The following GALNTL6 variants were observed in gnomAD, a reference collection of about 807,000 sequenced individuals.
GALNTL6 encodes polypeptide N-acetylgalactosaminyltransferase-like 6.
In GALNTL6, 46 loss-of-function variants were observed where a neutral mutation model predicts 73.7. The observed-to-expected ratio is 0.62, with a 90% CI of 0.49 to 0.80. The LOEUF is 0.80. Among genes scored for constraint, GALNTL6 ranks in the 30% least tolerant of loss-of-function variants. The probability of loss-of-function intolerance (pLI) is 0.00; values close to 1 mark genes in which losing one functional copy is unlikely to be tolerated. For missense variants in GALNTL6, 604 were observed against 755.0 expected, an observed-to-expected ratio of 0.80 and a Z score of 2.34; for synonymous variants, 259 against 263.7, an observed-to-expected ratio of 0.98 and a Z score of 0.17.
intron 2 of GALNTL6, among the ~76,000 whole-genome samples, chr4:172,183,499 A>G (rs1313753470): frequency 6.6e-6 from 1 of 152,238 alleles, no homozygotes; most frequent in African/African-American, 2.4e-5. Context: ...GGTGGGCTTC[A>G]GTGTTGGTAG....
chr4:171,975,322 T>C (rs230), intron 2 of GALNTL6, among the ~76,000 whole-genome samples: 71,353 of 151,980 alleles, frequency 0.47, 18,746 homozygotes, highest in Non-Finnish European at 0.59. Flanking sequence ...CTACCCTACT[T>C]ATCATAATGG....
At chr4:172,767,128 C>T (rs549103438) in intron 5 of GALNTL6, among the ~76,000 whole-genome samples, 2 of 152,266 alleles carry the variant, frequency 1.3e-5, no homozygotes, top group South Asian at 4.1e-4. Flanking sequence ...GCCAGTGAAA[C>T]CTGTCCACAA....
chr4:172,700,872 A>G (rs1351186396), intron 5 of GALNTL6, among the ~76,000 whole-genome samples: 5 of 152,142 alleles, frequency 3.3e-5, no homozygotes, highest in African/African-American at 4.8e-5. Context: ...CAGTGTATCT[A>G]TGGAAAGAGG....
chr4:172,357,444 C>T (rs1742198499), intron 5 of GALNTL6, among the ~76,000 whole-genome samples: 1 of 151,986 alleles, frequency 6.6e-6, no homozygotes, highest in South Asian at 2.1e-4. Flanking sequence ...AGATAAGGGT[C>T]ATTCTAGAAG....
intron 5 of GALNTL6, among the ~76,000 whole-genome samples, chr4:172,647,522 A>G (rs930255044): frequency 6.6e-6 from 1 of 151,966 alleles, no homozygotes; most frequent in Non-Finnish European, 1.5e-5. Context: ...TCCAGGGCCC[A>G]GGCTGAGGCA....
At chr4:172,009,441 G>T (rs1005796931) in intron 2 of GALNTL6, among the ~76,000 whole-genome samples, 1 of 152,010 alleles carries the variant, frequency 6.6e-6, no homozygotes, top group Non-Finnish European at 1.5e-5. Context: ...GCCTGTCCCT[G>T]GCATTTAACA....
intron 2 of GALNTL6, among the ~76,000 whole-genome samples, chr4:172,067,573 C>T (rs571886166): frequency 2.1e-5 from 1 of 46,914 alleles, no homozygotes; most frequent in East Asian, 3.0e-4. Flanking sequence ...CCACCCCATC[C>T]CTCTCTTATC....
At chr4:172,716,006 G>C (rs541690258) in intron 5 of GALNTL6, among the ~76,000 whole-genome samples, 1 of 152,310 alleles carries the variant, frequency 6.6e-6, no homozygotes, top group South Asian at 2.1e-4. Context: ...GGTAATGAGA[G>C]AGATCACATG....
chr4:172,760,490 C>T (rs1029421286), intron 5 of GALNTL6, among the ~76,000 whole-genome samples: 12 of 152,190 alleles, frequency 7.9e-5, no homozygotes, highest in African/African-American at 2.4e-4. Context: ...CTCTCACCTT[C>T]CCACCTTACC....
At chr4:172,183,394 G>A (rs1735316162) in intron 2 of GALNTL6, among the ~76,000 whole-genome samples, 1 of 152,156 alleles carries the variant, frequency 6.6e-6, no homozygotes, top group African/African-American at 2.4e-5. Flanking sequence ...TTAGCTGTCA[G>A]AATCGATCTA....
At chr4:171,874,444 C>G (rs898746264) in intron 2 of GALNTL6, among the ~76,000 whole-genome samples, 1 of 152,098 alleles carries the variant, frequency 6.6e-6, no homozygotes, top group African/African-American at 2.4e-5. Context: ...TCCATCTCGG[C>G]CTCCTAAAAT....
At chr4:172,993,188 G>A (rs1751618721) in intron 10 of GALNTL6, among the ~76,000 whole-genome samples, 1 of 152,164 alleles carries the variant, frequency 6.6e-6, no homozygotes. Flanking sequence ...TCCTAAGGGT[G>A]GTGCCCTAAT....
chr4:173,038,704 T>C (rs1222577632), intron 12 of GALNTL6, among the ~76,000 whole-genome samples: 5 of 152,202 alleles, frequency 3.3e-5, no homozygotes, highest in Non-Finnish European at 7.3e-5. Flanking sequence ...TCCTTCCTTA[T>C]TCTTTCTTCC....
At chr4:171,904,328 C>T (rs1002450191) in intron 2 of GALNTL6, among the ~76,000 whole-genome samples, 2 of 151,702 alleles carry the variant, frequency 1.3e-5, no homozygotes, top group African/African-American at 4.9e-5. Flanking sequence ...AACCAAGGCT[C>T]GAGAACTACA....
intron 11 of GALNTL6, among the ~76,000 whole-genome samples, chr4:173,012,908 C>A (rs1462366751): frequency 2.0e-5 from 3 of 152,128 alleles, no homozygotes; most frequent in Admixed American, 1.3e-4. Context: ...GAGGCTGAGG[C>A]GGGTGGCTCA....
intron 7 of GALNTL6, among the ~76,000 whole-genome samples, chr4:172,845,711 A>G (rs1327150605): frequency 6.6e-6 from 1 of 152,202 alleles, no homozygotes; most frequent in Non-Finnish European, 1.5e-5. Context: ...ACTGAAGTGA[A>G]CCTTTATACT....
intron 7 of GALNTL6, among the ~76,000 whole-genome samples, chr4:172,859,243 C>A (rs1467331694): frequency 6.6e-6 from 1 of 152,054 alleles, no homozygotes; most frequent in African/African-American, 2.4e-5. Context: ...GTTCCAGAGG[C>A]CTTGTTGAAG....
intron 5 of GALNTL6, among the ~76,000 whole-genome samples, chr4:172,744,935 C>CA (rs1737014337): frequency 6.6e-6 from 1 of 151,582 alleles, no homozygotes; most frequent in African/African-American, 2.4e-5. Context: ...TATTAGGGAA[C>CA]ATTTTCCCTT....
intron 2 of GALNTL6, among the ~76,000 whole-genome samples, chr4:171,840,108 T>C (rs1330247470): frequency 6.6e-6 from 1 of 152,198 alleles, no homozygotes; most frequent in East Asian, 1.9e-4. Flanking sequence ...TACTCTCTTG[T>C]TTAACCACAT....
Sources: allele counts gnomAD v4.1 joint callset (sites outside exome capture counted in the v4.1 genomes callset), GRCh38; gene constraint gnomAD v4.1.1; transcripts MANE v1.5; gene names NCBI Gene and HGNC (gene_info 2026-07-23, HGNC 2026-07-21).